The following POLE variants were observed in gnomAD, a reference collection of about 807,000 sequenced individuals.
POLE encodes the protein DNA polymerase epsilon catalytic subunit A.
A neutral mutation model predicts 279.2 loss-of-function variants in POLE; 188 were observed. That is an observed-to-expected ratio of 0.67 (90% confidence interval 0.60 to 0.76). POLE has a LOEUF of 0.76. Among genes scored for constraint, POLE ranks in the 30% least tolerant of loss-of-function variants. POLE has a pLI of 0.00. For synonymous variants in POLE, 1,214 were observed against 1,172.5 expected (o/e 1.04, Z -0.72); for missense variants, 2,703 against 3,016.7 (o/e 0.90, Z 2.44).
At position 132,637,739 on chromosome 12, in the gene POLE, GCAAA is replaced by G. The variant is rs201090125; in HGVS notation, c.5678+271_5678+274del. 0.011 allele frequency among the ~76,000 whole-genome samples: 1,744 copies of G among 152,344 alleles called. 16 individuals carry two copies. The highest frequency in any genetic ancestry group is 0.016 in the Non-Finnish European group (1,083 of 68,024). On this transcript the variant is annotated intron_variant, in intron 41 of 48. Transcript: ENST00000320574. ...CCCTGAATATCCATGGGGAAAAAAA[GCAAA>G]CAAACAAAAATCACTGTGGAACCTT...
intron 20 of POLE, among the ~76,000 whole-genome samples, chr12:132,667,187 A>C (rs2042816211): frequency 6.6e-6 from 1 of 152,140 alleles, no homozygotes; most frequent in Non-Finnish European, 1.5e-5. Context: ...AGAGATAAAC[A>C]ATAGGCGAAG....
At chr12:132,641,215 C>T (rs958313221) in intron 39 of POLE, 3 of 384,028 alleles carry the variant, frequency 7.8e-6, no homozygotes, top group Admixed American at 3.1e-5. Context: ...ATGCGAGTAG[C>T]TGCCCTCAAC....
chr12:132,649,793 CAG>C lies in POLE; in HGVS notation c.3677_3678del (p.Pro1226ArgfsTer128), dbSNP rs765645032. On this transcript the variant is annotated frameshift_variant, in exon 30 of 49. Transcript: ENST00000320574. LOFTEE classifies it high-confidence loss of function. ...AGAACTCGCTTCCTCTTCACAGTGA[CAG>C]GGGCTGCTGGGTGAGGCAGCTTTAC... ...GLVKLPHPAA[P>X]VTVKRKRVLW... is the part of the protein sequence containing the mutation. The C allele has an allele frequency of 6.2e-6, 10 of 1,614,196 alleles. No homozygotes were observed. In the Admixed American group the frequency reaches 1.0e-4, roughly 16 times the overall value.
At chr12:132,644,317 G>A (rs1462510225) in intron 32 of POLE, among the ~76,000 whole-genome samples, 3 of 149,724 alleles carry the variant, frequency 2.0e-5, no homozygotes, top group South Asian at 2.1e-4. Flanking sequence ...ACACCACCAC[G>A]GATGGCTTTT....
At chr12:132,670,389 G>A (rs1213099560) in intron 16 of POLE, among the ~76,000 whole-genome samples, 2 of 151,192 alleles carry the variant, frequency 1.3e-5, no homozygotes, top group African/African-American at 2.4e-5. Flanking sequence ...ATTCTGAGAC[G>A]TCTCGCCACC....
intron 26 of POLE, 170 bp from the exon 27 acceptor site, chr12:132,658,140 G>C: frequency 1.8e-6 from 1 of 545,818 alleles, no homozygotes; most frequent in Non-Finnish European, 3.2e-6. Context: ...CAGGTTCCTC[G>C]GGGAGTAACA....
Position 132,664,478 on chromosome 12 carries a change from A to C in POLE, c.2469-16T>G. On this transcript the variant is annotated splice_polypyrimidine_tract_variant and intron_variant, in intron 21 of 48. Transcript: ENST00000320574. The surrounding 1 kb of genome is among the most constrained non-coding windows in gnomAD (Gnocchi z 5.3). The stretch of plus-strand genomic sequence containing the variant: ...CCAGCGAGCCCTGAGAGGACACCAC[A>C]AACTGGTGGGTGGGGCTGGCATGGC... The C allele has an allele frequency of 6.2e-7, 1 of 1,607,266 alleles. No individual in the cohort carries two copies. The highest frequency in any genetic ancestry group is 8.5e-7 in the Non-Finnish European group (1 of 1,174,124).
intron 1 of POLE, 40 bp from the exon 2 acceptor site, chr12:132,681,319 C>T (rs2136035371): frequency 6.3e-7 from 1 of 1,586,160 alleles, no homozygotes; most frequent in Non-Finnish European, 8.6e-7. Flanking sequence ...ATTTGTAATG[C>T]CACCTGCTGC....
rs2138550521 is a variant in POLE at position 132,643,444 on chromosome 12, C to T, written c.4407G>A (p.Glu1469=). The change falls in exon 34 of 49, where the codon GAG becomes GAA. Residue 1469 remains glutamate (E), a synonymous_variant. Transcript: ENST00000320574. ...AGCTGAACTGGGCCAGAGAGCGCAT[C>T]TCCAGGTGCTCAAGAGCAAAGGTCT... ...EAETFALEHL[E]MRSLAQFSYL... The T allele has an allele frequency of 6.2e-7, 1 of 1,614,232 alleles. No homozygotes were observed. The highest frequency in any genetic ancestry group is 1.1e-5 in the South Asian group (1 of 91,078).
In POLE at chr12:132,667,692, C is replaced by T. The variant is rs1027661921; in HGVS notation, c.2174-44G>A. ...GGCAGAGCAGGTGGGTGAGATCTCC[C>T]AGAGCAGAGGGAGCCAGGGCACAGG... On this transcript the variant is annotated intron_variant, in intron 19 of 48. Coordinates refer to ENST00000320574, the MANE Select transcript of POLE (RefSeq NM_006231.4). The T allele has an allele frequency of 5.0e-6, 8 of 1,607,304 alleles. No homozygotes were observed. The Admixed American group carries it at 1.2e-4, about 23-fold the overall frequency.
At chr12:132,652,162 T>C (rs115713538) in intron 29 of POLE, among the ~76,000 whole-genome samples, 3,287 of 152,192 alleles carry the variant, frequency 0.022, 132 homozygotes, top group African/African-American at 0.076. Flanking sequence ...ATTATCAACA[T>C]TCTGCCTTTC....
rs753472248 is a variant in POLE, at chr12:132,641,778, C to T, written c.5247G>A (p.Glu1749=). The T allele has an allele frequency of 3.1e-6, 5 of 1,608,892 alleles. No homozygotes were observed. The highest frequency in any genetic ancestry group is 2.2e-5 in the South Asian group (2 of 91,076). The part of the protein sequence containing the change: ...ILQSHHVNDM[E]GADSMGISFD... ...AGCTGATCCCCATGCTGTCGGCCCC[C>T]TCCATGTCGTTGACATGGTGAGACT... is the stretch of plus-strand genomic sequence containing the variant. Residue 1749 remains glutamate, a synonymous_variant, in exon 39 of 49, where the codon GAG becomes GAA. Transcript: ENST00000320574.
At chr12:132,680,967 T>C in intron 2 of POLE, 171 bp downstream of exon 2, 1 of 741,142 alleles carries the variant, frequency 1.3e-6, no homozygotes. Context: ...CAGTGGCCTC[T>C]CTGTGGCCCT....
At chr12:132,658,104 T>C (rs1371627065) in intron 26 of POLE, 134 bp from the exon 27 acceptor site, 3 of 629,934 alleles carry the variant, frequency 4.8e-6, no homozygotes, top group East Asian at 2.8e-5. Flanking sequence ...TACATCTGCG[T>C]GCATATGTAT....
chr12:132,625,475 T>C (rs2041816847), intron 47 of POLE, 170 bp downstream of exon 47: 1 of 879,664 alleles, frequency 1.1e-6, no homozygotes, highest in African/African-American at 1.6e-5. Flanking sequence ...GCTCAACCAG[T>C]GTGGACAGAA....
In POLE at chr12:132,639,309, A is replaced by G. The variant is rs2138511665; in HGVS notation, c.5379-11T>C. The G allele has an allele frequency of 6.2e-7, 1 of 1,613,606 alleles. No homozygotes were observed. Among genetic ancestry groups the G allele is most frequent in the Non-Finnish European group, 8.5e-7 (1 of 1,179,686 alleles). On this transcript the variant is annotated splice_polypyrimidine_tract_variant and intron_variant, in intron 39 of 48. Coordinates refer to ENST00000320574, the MANE Select transcript of POLE (RefSeq NM_006231.4). This position sits in a 1 kb window ranked among gnomAD's most constrained non-coding sequence, Gnocchi z 4.7. ...ATGCTCTTCAGGATCCTGAAAGAGA[A>G]GGTGCACGACACCCTCGTACCCTCA...
rs147094338 is a variant in POLE at position 132,628,071 on chromosome 12, C to T, written c.6331-1754G>A. The stretch of plus-strand genomic sequence containing the variant: ...CAAGAAACTACTTTTTGGCCAGGTG[C>T]GGTGGCTCACGCCTGTAATCCCAGC... On this transcript the variant is annotated intron_variant, in intron 45 of 48. Transcript: ENST00000320574. Among the ~76,000 whole-genome samples the T allele has an allele frequency of 2.6e-3, 394 of 152,278 alleles. 1 individual carries two copies. Among genetic ancestry groups the T allele is most frequent in the Non-Finnish European group, 4.1e-3 (276 of 68,014 alleles).
chr12:132,683,879 G>A (rs114823367), intron 1 of POLE, among the ~76,000 whole-genome samples: 3,275 of 152,294 alleles, frequency 0.022, 120 homozygotes, highest in African/African-American at 0.074. Flanking sequence ...GAAAAATGGG[G>A]ATAAGTGTCA....
intron 45 of POLE, among the ~76,000 whole-genome samples, chr12:132,628,223 T>A (rs1022149475): frequency 6.6e-6 from 1 of 152,116 alleles, no homozygotes; most frequent in African/African-American, 2.4e-5. Context: ...TTGCCTGTAG[T>A]CCCAGCTACT....
Sources: gnomAD v4.1 joint callset for allele counts (sites outside exome capture counted in the v4.1 genomes callset) on GRCh38, gnomAD v4.1.1 for gene constraint, Gnocchi (gnomAD v3.1) non-coding constraint, MANE v1.5 for transcripts, NCBI Gene and HGNC (gene_info 2026-07-23, HGNC 2026-07-21) for gene names.